Variants in TRPM3 observed in about 807,000 individuals in gnomAD.
TRPM3 encodes the protein long transient receptor potential channel 3.
A neutral mutation model predicts 181.2 loss-of-function variants in TRPM3; 77 were observed. The observed-to-expected ratio is 0.42, with a 90% confidence interval of 0.35 to 0.51. TRPM3 has a LOEUF of 0.51. TRPM3 is among the 20% of genes least tolerant of loss of function. The pLI is 0.01. For missense variants in TRPM3, 1,759 were observed against 2,196.7 expected (o/e 0.80, Z 3.98); for synonymous variants, 745 against 796.4 (o/e 0.94, Z 1.09).
chr9:71,285,640 T>C (rs1472731), intron 1 of TRPM3, among the ~76,000 whole-genome samples: 146,680 of 152,258 alleles, frequency 0.96, 70,805 homozygotes, highest in East Asian at 1. Flanking sequence ...CAAATAATGC[T>C]TAAGCTATTT....
At chr9:71,190,922 TCTC>T (rs1252618629) in intron 1 of TRPM3, among the ~76,000 whole-genome samples, 1 of 151,816 alleles carries the variant, frequency 6.6e-6, no homozygotes, top group East Asian at 1.9e-4. Flanking sequence ...TCTAGTGAAA[TCTC>T]CTTCTGTTTC....
intron 22 of TRPM3, among the ~76,000 whole-genome samples, chr9:70,568,364 C>T (rs1410115798): frequency 1.3e-5 from 2 of 152,130 alleles, no homozygotes; most frequent in African/African-American, 2.4e-5. Context: ...CTATGCCAAG[C>T]GCTTTCATAT....
chr9:70,751,299 A>G (rs1468293425), intron 8 of TRPM3, among the ~76,000 whole-genome samples: 1 of 152,174 alleles, frequency 6.6e-6, no homozygotes, highest in Non-Finnish European at 1.5e-5. Flanking sequence ...ATCAGATGAA[A>G]TGAAATGCAA....
chr9:70,980,619 A>G (rs1408107842), intron 1 of TRPM3, among the ~76,000 whole-genome samples: 1 of 151,986 alleles, frequency 6.6e-6, no homozygotes, highest in Non-Finnish European at 1.5e-5. Context: ...TGACTGATTT[A>G]CTCATTCTTC....
At chr9:71,124,818 A>C (rs1310440830), upstream of TRPM3, among the ~76,000 whole-genome samples, 1 of 152,196 alleles carries the variant, frequency 6.6e-6, no homozygotes. Context: ...AAAACCTAAG[A>C]AAACAAAAAG....
intron 1 of TRPM3, among the ~76,000 whole-genome samples, chr9:71,436,862 A>C (rs1049570293): frequency 6.6e-6 from 1 of 152,230 alleles, no homozygotes; most frequent in African/African-American, 2.4e-5. Context: ...AGTTTGTAGT[A>C]ATTTCTTATG....
chr9:71,111,094 G>A (rs1298324589), intron 1 of TRPM3, among the ~76,000 whole-genome samples: 5 of 152,060 alleles, frequency 3.3e-5, no homozygotes, highest in Admixed American at 3.3e-4. Context: ...AACATATATG[G>A]AACATTCAAA....
intron 1 of TRPM3, among the ~76,000 whole-genome samples, chr9:71,271,266 C>G (rs1389055047): frequency 6.6e-6 from 1 of 152,028 alleles, no homozygotes; most frequent in Non-Finnish European, 1.5e-5. Context: ...AGCTTGTTAT[C>G]TTGTTAATTT....
intron 1 of TRPM3, among the ~76,000 whole-genome samples, chr9:71,114,134 C>T (rs139288757): frequency 6.6e-6 from 1 of 151,450 alleles, no homozygotes; most frequent in Admixed American, 6.6e-5. Context: ...TATCTATCTA[C>T]CTACCTACCT....
At chr9:70,951,676 A>G (rs1275545961) in intron 1 of TRPM3, among the ~76,000 whole-genome samples, 1 of 152,206 alleles carries the variant, frequency 6.6e-6, no homozygotes, top group African/African-American at 2.4e-5. Context: ...GAGAAACAGG[A>G]CAGGATGTAA....
chr9:71,291,459 TC>T lies in TRPM3; in HGVS notation c.183+155193del, dbSNP rs1254941268. Among the ~76,000 whole-genome samples the T allele has an allele frequency of 2.6e-5, 4 of 152,270 alleles. No homozygotes were observed. The South Asian group carries it at 8.3e-4, about 32-fold the overall frequency. On this transcript the variant is annotated intron_variant, in intron 1 of 24. Transcript: ENST00000357533. ...AGACATTGCCTGATTCATGAATTGCTCATAAAAGCCAATTAGATCTTTAATT... is the reference window on the plus strand; with the variant it reads ...AGACATTGCCTGATTCATGAATTGCTATAAAAGCCAATTAGATCTTTAATT...
intron 1 of TRPM3, among the ~76,000 whole-genome samples, chr9:71,307,261 C>T (rs935751273): frequency 5.9e-5 from 9 of 151,706 alleles, no homozygotes; most frequent in Admixed American, 5.9e-4. Context: ...TTTTTATTTC[C>T]TTTTTCTATG....
chr9:71,069,660 G>A (rs1410995295), intron 1 of TRPM3, among the ~76,000 whole-genome samples: 1 of 147,810 alleles, frequency 6.8e-6, no homozygotes, highest in East Asian at 2.0e-4. Context: ...CCAGGCTGGA[G>A]TGCAGTGGCA....
rs1398031517 is a variant in TRPM3, at chr9:71,351,870, G to GTTTTT, written c.183+94778_183+94782dup. 1.8e-3 allele frequency among the ~76,000 whole-genome samples: 170 copies of GTTTTT among 95,614 alleles called. 5 individuals are homozygous for GTTTTT. Among genetic ancestry groups the GTTTTT allele is most frequent in the Non-Finnish European group, 2.5e-3 (117 of 46,726 alleles). 62.7% of individuals were successfully genotyped at this position (95,614 alleles called of 152,430 possible). A position where few individuals can be genotyped will look rare whatever the true frequency, so the allele number is the denominator to read the frequency against. Reference sequence around the variant, plus strand: ...ATGGGAAGTTTTTGTTTGTTTGTTTGTTTTTGTTTTTTTTTTTTTTTTTGA... The same window carrying GTTTTT: ...ATGGGAAGTTTTTGTTTGTTTGTTTGTTTTTTTTTTGTTTTTTTTTTTTTTTTTGA... On this transcript the variant is annotated intron_variant, in intron 1 of 24. Transcript: ENST00000357533.
chr9:71,078,185 T>C (rs1591234571), intron 1 of TRPM3, among the ~76,000 whole-genome samples: 1 of 152,116 alleles, frequency 6.6e-6, no homozygotes, highest in Non-Finnish European at 1.5e-5. Flanking sequence ...AACCATCCTC[T>C]TTAGATGATT....
chr9:71,008,848 A>AAAC (rs747226589), intron 1 of TRPM3, among the ~76,000 whole-genome samples: 2 of 152,264 alleles, frequency 1.3e-5, no homozygotes, highest in African/African-American at 2.4e-5. Flanking sequence ...CCATCTCAAA[A>AAAC]AACAACAACA....
At chr9:71,405,196 C>T (rs897371753) in intron 1 of TRPM3, among the ~76,000 whole-genome samples, 2 of 152,098 alleles carry the variant, frequency 1.3e-5, no homozygotes, top group Non-Finnish European at 2.9e-5. Flanking sequence ...CTGTCTTCAT[C>T]GAGTGTAACA....
chr9:71,117,263 A>G (rs531829949), intron 1 of TRPM3, among the ~76,000 whole-genome samples: 1 of 152,262 alleles, frequency 6.6e-6, no homozygotes, highest in African/African-American at 2.4e-5. Context: ...AAATCTGGTG[A>G]TCACCTCGCT....
chr9:70,653,702 A>C (rs2059906787), intron 9 of TRPM3, among the ~76,000 whole-genome samples: 2 of 146,884 alleles, frequency 1.4e-5, no homozygotes, highest in Admixed American at 6.8e-5. Flanking sequence ...AAAAAAAAAC[A>C]AACCAAACAA....
Sources: allele counts gnomAD v4.1 joint callset (sites outside exome capture counted in the v4.1 genomes callset), GRCh38; gene constraint gnomAD v4.1.1; transcripts MANE v1.5; gene names NCBI Gene and HGNC (gene_info 2026-07-23, HGNC 2026-07-21).